The following DNAH14 variants were observed in gnomAD, a reference collection of about 807,000 sequenced individuals.
DNAH14 encodes the protein axonemal beta dynein heavy chain 14.
In DNAH14, 478 loss-of-function variants were observed where a neutral mutation model predicts 520.9. The observed-to-expected ratio is 0.92, with a 90% CI of 0.85 to 0.99. The LOEUF (loss-of-function observed/expected upper bound fraction) is 0.99, where lower values mean the gene tolerates loss of function less well. Ranked by LOEUF, DNAH14 falls within the 50% of genes least tolerant of loss-of-function variation. The probability of loss-of-function intolerance (pLI) is 0.00; values close to 1 mark genes in which losing one functional copy is unlikely to be tolerated. For synonymous variants in DNAH14, 1,581 were observed against 1,757.2 expected (o/e 0.90, Z 2.51); for missense variants, 4,831 against 5,234.5 (o/e 0.92, Z 2.38).
intron 36 of DNAH14, among the ~76,000 whole-genome samples, chr1:225,180,525 T>A (rs941531300): frequency 1.3e-5 from 2 of 152,068 alleles, no homozygotes; most frequent in African/African-American, 4.8e-5. Context: ...CACGGTAAGA[T>A]AGGAAACGAG....
intron 8 of DNAH14, among the ~76,000 whole-genome samples, chr1:224,975,463 A>G (rs1217783837): frequency 6.6e-6 from 1 of 151,986 alleles, no homozygotes; most frequent in Non-Finnish European, 1.5e-5. Context: ...GGGAGTGTGT[A>G]TGTGTCGAGG....
intron 71 of DNAH14, among the ~76,000 whole-genome samples, chr1:225,349,837 G>A (rs1039149808): frequency 1.3e-5 from 2 of 152,012 alleles, no homozygotes; most frequent in African/African-American, 2.4e-5. Flanking sequence ...ATAAGACAGC[G>A]ACCCAATAAT....
Position 225,025,333 on chromosome 1 carries a change from A to AAC in DNAH14, c.1358+1469_1358+1470insCA, listed in dbSNP as rs1553390416. Among the ~76,000 whole-genome samples the AAC allele has an allele frequency of 9.5e-5, 14 of 146,930 alleles. No homozygotes were observed. The Admixed American group carries it at 9.6e-4, about 10-fold the overall frequency. On this transcript the variant is annotated intron_variant, in intron 11 of 85. Coordinates refer to ENST00000682510, the MANE Select transcript of DNAH14 (RefSeq NM_001367479.1). ...GTCAACAGAGTGAGATCTTATCTCA[A>AAC]ATATATATATATATATATGTTTTGT...
chr1:225,101,143 G>T (rs2075413033), intron 23 of DNAH14, among the ~76,000 whole-genome samples: 2 of 151,664 alleles, frequency 1.3e-5, no homozygotes, highest in South Asian at 4.2e-4. Flanking sequence ...TTTTTTAAAA[G>T]AGATATCCTA....
chr1:225,335,520 CATATATACATATGTACAT>C (rs1231187740), intron 66 of DNAH14, among the ~76,000 whole-genome samples: 10 of 132,326 alleles, frequency 7.6e-5, no homozygotes, highest in East Asian at 2.4e-4. Flanking sequence ...TACATATGTA[CATATATACATATGTACAT>C]ATATACGTAT....
chr1:225,333,465 TC>T lies in DNAH14; in HGVS notation c.10041del (p.Lys3348AsnfsTer4), dbSNP rs1477472970. 1 of 1,551,278 alleles carries T rather than the reference TC, an allele frequency of 6.4e-7. No homozygotes were observed. Among genetic ancestry groups the T allele is most frequent in the South Asian group, 1.2e-5 (1 of 84,040 alleles). On this transcript the variant is annotated frameshift_variant, in exon 66 of 86. Coordinates refer to ENST00000682510, the MANE Select transcript of DNAH14 (RefSeq NM_001367479.1). LOFTEE classifies it high-confidence loss of function. ...CATTGAAAATGGCATTTCTTTGTCT[TC>T]CAAATTCTCTTTAATTAAAGTTATG... ...FCIENGISLS[S>X]KFSLIKVMAQ... is the part of the protein sequence containing the mutation.
intron 43 of DNAH14, among the ~76,000 whole-genome samples, chr1:225,246,909 A>C (rs1444811388): frequency 1.3e-5 from 2 of 152,240 alleles, no homozygotes; most frequent in Non-Finnish European, 2.9e-5. Flanking sequence ...TCATTCTACT[A>C]TAAAGAAACA....
rs574762489 is a variant in DNAH14, at chr1:225,232,301, G to A, written c.6518+1150G>A. 1.5e-5 allele frequency among the ~76,000 whole-genome samples: 2 copies of A among 131,150 alleles called. No homozygotes were observed. The highest frequency in any genetic ancestry group is 2.5e-4 in the East Asian group (1 of 4,042). 86.0% of individuals were successfully genotyped at this position (131,150 alleles called of 152,430 possible). A position where few individuals can be genotyped will look rare whatever the true frequency, so the allele number is the denominator to read the frequency against. On this transcript the variant is annotated intron_variant, in intron 42 of 85. Transcript: ENST00000682510. This position sits in a 1 kb window ranked among gnomAD's most constrained non-coding sequence, Gnocchi z 4.2. ...TATATACACACACACACACACACAC[G>A]TGTATCACAGGTTATTTATCGATTG... is the stretch of plus-strand genomic sequence containing the variant.
chr1:225,048,984 T>A (rs141338709), intron 15 of DNAH14, among the ~76,000 whole-genome samples: 1 of 152,166 alleles, frequency 6.6e-6, no homozygotes, highest in Non-Finnish European at 1.5e-5. Context: ...GTTCATCTTT[T>A]ATTATGCTAG....
intron 34 of DNAH14, 77 bp from the exon 35 acceptor site, chr1:225,159,217 GATAGCCACCCCTAAAACAGA>G: frequency 1.0e-6 from 1 of 990,202 alleles, no homozygotes; most frequent in Non-Finnish European, 1.5e-6. Flanking sequence ...AGGACATTGG[GATAGCCACCCCTAAAACAGA>G]ATGTTAATGG....
chr1:225,167,093 C>T (rs2082105370), intron 35 of DNAH14, among the ~76,000 whole-genome samples: 1 of 152,190 alleles, frequency 6.6e-6, no homozygotes. Flanking sequence ...TGGGCAGTCT[C>T]ATCAATTCCA....
Position 225,213,307 on chromosome 1 carries a change from T to C in DNAH14, c.6439+6087T>C, listed in dbSNP as rs1025147553. On this transcript the variant is annotated intron_variant, in intron 41 of 85. Coordinates refer to ENST00000682510, the MANE Select transcript of DNAH14 (RefSeq NM_001367479.1). ...ACCCGTACCATGCTGTTTTGGTTAC[T>C]GTAGCCTTGTAGTACAGTTTGAAGT... 1.1e-3 allele frequency among the ~76,000 whole-genome samples: 168 copies of C among 152,324 alleles called. 2 individuals are homozygous for C. The highest frequency in any genetic ancestry group is 2.5e-4 in the Non-Finnish European group (17 of 68,024).
chr1:224,964,337 T>G, intron 4 of DNAH14, 142 bp from the exon 5 acceptor site: 1 of 960,524 alleles, frequency 1.0e-6, no homozygotes, highest in Non-Finnish European at 1.4e-6. Flanking sequence ...TTGAGCTATT[T>G]TTTCTCCTCT....
intron 60 of DNAH14, among the ~76,000 whole-genome samples, chr1:225,310,215 A>G (rs2094334607): frequency 6.6e-6 from 1 of 151,900 alleles, no homozygotes; most frequent in Non-Finnish European, 1.5e-5. Flanking sequence ...GCCATACCAC[A>G]AAGGATAATC....
chr1:225,207,319 G>A (rs575379038), intron 41 of DNAH14, 99 bp downstream of exon 41: 1 of 1,277,146 alleles, frequency 7.8e-7, no homozygotes, highest in South Asian at 1.9e-5. Context: ...TCAAAGAGCA[G>A]GCATTTTTAG....
At chr1:225,173,679 A>G (rs2082969871) in intron 36 of DNAH14, among the ~76,000 whole-genome samples, 1 of 152,196 alleles carries the variant, frequency 6.6e-6, no homozygotes, top group South Asian at 2.1e-4. Context: ...AAACTAGTTC[A>G]ACCATTGTGG....
intron 31 of DNAH14, among the ~76,000 whole-genome samples, chr1:225,149,731 G>T (rs1228331743): frequency 6.6e-6 from 1 of 152,192 alleles, no homozygotes; most frequent in East Asian, 1.9e-4. Context: ...TGTTGTTGGT[G>T]TGTAGGAATG....
At chr1:225,218,643 A>G (rs2089698180) in intron 41 of DNAH14, among the ~76,000 whole-genome samples, 1 of 152,216 alleles carries the variant, frequency 6.6e-6, no homozygotes, top group Non-Finnish European at 1.5e-5. Context: ...CCAATACAGG[A>G]GAATACAAGA....
intron 10 of DNAH14, among the ~76,000 whole-genome samples, chr1:225,015,402 G>A (rs568631580): frequency 6.6e-6 from 1 of 152,160 alleles, no homozygotes; most frequent in South Asian, 2.1e-4. Flanking sequence ...TTGCAGTTAG[G>A]TGGTTTTCCG....
Sources: gnomAD v4.1 joint callset for allele counts (sites outside exome capture counted in the v4.1 genomes callset) on GRCh38, gnomAD v4.1.1 for gene constraint, Gnocchi (gnomAD v3.1) non-coding constraint, MANE v1.5 for transcripts, NCBI Gene and HGNC (gene_info 2026-07-23, HGNC 2026-07-21) for gene names.